The following DGKB variants were observed in gnomAD, a reference collection of about 807,000 sequenced individuals.
DGKB encodes the protein 90 kDa diacylglycerol kinase.
DGKB carries 67 observed loss-of-function variants against 114.3 expected under a neutral mutation model. That is an observed-to-expected ratio of 0.59 (90% CI 0.48 to 0.72). DGKB has a LOEUF of 0.72. Among genes scored for constraint, DGKB ranks in the 30% least tolerant of loss-of-function variants. The pLI is 0.00. For synonymous variants in DGKB, 398 were observed against 323.1 expected, an observed-to-expected ratio of 1.23 and a Z score of -2.49; for missense variants, 907 against 975.2, an observed-to-expected ratio of 0.93 and a Z score of 0.93.
At chr7:14,904,763 G>A (rs903016585), upstream of DGKB, among the ~76,000 whole-genome samples, 5 of 152,018 alleles carry the variant, frequency 3.3e-5, no homozygotes, top group Non-Finnish European at 7.4e-5. Flanking sequence ...CTCTTCATTT[G>A]TTGTCTGTCC....
intron 7 of DGKB, 76 bp from the exon 8 acceptor site, chr7:14,698,245 T>C (rs1323582794): frequency 5.5e-6 from 5 of 909,718 alleles, no homozygotes; most frequent in African/African-American, 5.3e-5. Context: ...GCAGAAATTG[T>C]TTTGTTCAAT....
intron 25 of DGKB, among the ~76,000 whole-genome samples, chr7:14,166,248 A>G (rs1784593536): frequency 6.6e-6 from 1 of 152,198 alleles, no homozygotes; most frequent in Non-Finnish European, 1.5e-5. Flanking sequence ...AAAAACAACT[A>G]AACTTTTTTG....
chr7:14,958,414 A>G (rs867719433), intron 1 of DGKB, among the ~76,000 whole-genome samples: 7 of 115,784 alleles, frequency 6.0e-5, no homozygotes, highest in Non-Finnish European at 1.1e-4. Flanking sequence ...ACCCCACACC[A>G]ATACCTCTCC....
intron 21 of DGKB, among the ~76,000 whole-genome samples, chr7:14,406,038 T>A (rs377405206): frequency 6.6e-6 from 1 of 151,942 alleles, no homozygotes; most frequent in East Asian, 1.9e-4. Flanking sequence ...CAGCATAACA[T>A]AGAATCTTAG....
At chr7:14,267,982 G>T (rs768940440) in intron 23 of DGKB, among the ~76,000 whole-genome samples, 3 of 151,970 alleles carry the variant, frequency 2.0e-5, no homozygotes, top group Admixed American at 6.6e-5. Context: ...ACTCACAAGG[G>T]TACAAAGAAA....
At chr7:14,563,671 T>C (rs1288308152) in intron 20 of DGKB, among the ~76,000 whole-genome samples, 1 of 151,570 alleles carries the variant, frequency 6.6e-6, no homozygotes, top group African/African-American at 2.4e-5. Flanking sequence ...AGTTGGTTCT[T>C]GGTGGTTTAA....
At chr7:14,816,190 T>G (rs983030436) in intron 2 of DGKB, among the ~76,000 whole-genome samples, 4 of 151,962 alleles carry the variant, frequency 2.6e-5, no homozygotes, top group African/African-American at 9.7e-5. Context: ...AAAAATTAGC[T>G]GGACATAGTG....
chr7:14,216,725 CA>C (rs755191130), intron 23 of DGKB, among the ~76,000 whole-genome samples: 6,179 of 50,304 alleles, frequency 0.12, 109 homozygotes, highest in African/African-American at 0.24. Flanking sequence ...GACTCCGTCT[CA>C]AAAAAAAAAA....
intron 17 of DGKB, among the ~76,000 whole-genome samples, chr7:14,598,799 T>C (rs912962637): frequency 7.2e-5 from 11 of 152,316 alleles, no homozygotes; most frequent in African/African-American, 2.6e-4. Flanking sequence ...AGCCATTCAC[T>C]ATACATTCTT....
At chr7:14,150,004 C>T (rs1001885332) in intron 25 of DGKB, among the ~76,000 whole-genome samples, 6 of 152,032 alleles carry the variant, frequency 3.9e-5, no homozygotes, top group African/African-American at 1.4e-4. Flanking sequence ...TTAGAGAAGA[C>T]ATTTTATGAA....
chr7:14,539,184 G>T (rs773687947), intron 20 of DGKB, among the ~76,000 whole-genome samples: 4 of 152,038 alleles, frequency 2.6e-5, no homozygotes, highest in African/African-American at 4.8e-5. Context: ...GGACACCAGG[G>T]AACTTTTGGA....
rs544649997 is a variant in DGKB at position 14,330,598 on chromosome 7, T to C, written c.2122+7917A>G. On this transcript the variant is annotated intron_variant, in intron 23 of 25. Coordinates refer to ENST00000402815, the MANE Select transcript of DGKB (RefSeq NM_001350709.2). ...TCAGATTTTGTTTTTAAAATTATACTGCACACCAGATTTTTTAAATTTTAC... is the reference window on the plus strand; with the variant it reads ...TCAGATTTTGTTTTTAAAATTATACCGCACACCAGATTTTTTAAATTTTAC... Among the ~76,000 whole-genome samples the C allele has an allele frequency of 3.3e-5, 5 of 152,140 alleles. No homozygotes were observed. The East Asian group carries it at 5.8e-4, about 18-fold the overall frequency.
chr7:14,396,020 A>G (rs909600656), intron 21 of DGKB, among the ~76,000 whole-genome samples: 2 of 152,048 alleles, frequency 1.3e-5, no homozygotes, highest in Admixed American at 6.6e-5. Context: ...CAATATATGA[A>G]TTGTTTAGTC....
At chr7:14,910,450 A>T (rs981040923) in intron 1 of DGKB, among the ~76,000 whole-genome samples, 2 of 152,168 alleles carry the variant, frequency 1.3e-5, no homozygotes, top group Non-Finnish European at 2.9e-5. Flanking sequence ...TGGAAGACAT[A>T]AACCTTTATG....
At chr7:14,638,153 C>T in intron 13 of DGKB, among the ~76,000 whole-genome samples, 1 of 151,972 alleles carries the variant, frequency 6.6e-6, no homozygotes, top group Admixed American at 6.6e-5. Context: ...GCTGTAACTC[C>T]TCATTTTACA....
At chr7:14,702,558 T>C (rs1309934000) in intron 6 of DGKB, among the ~76,000 whole-genome samples, 1 of 152,092 alleles carries the variant, frequency 6.6e-6, no homozygotes, top group South Asian at 2.1e-4. Flanking sequence ...CTTGTATAAT[T>C]CACACATCCC....
chr7:14,852,248 C>G (rs1157083511), intron 1 of DGKB, among the ~76,000 whole-genome samples: 2 of 151,146 alleles, frequency 1.3e-5, no homozygotes, highest in African/African-American at 4.9e-5. Flanking sequence ...ATTATTGTTA[C>G]CATTTTTACA....
chr7:14,637,733 C>T (rs979550163), intron 13 of DGKB, among the ~76,000 whole-genome samples: 17 of 151,538 alleles, frequency 1.1e-4, no homozygotes, highest in Non-Finnish European at 2.4e-4. Flanking sequence ...AATAATGGTT[C>T]CACTCTGCTA....
At chr7:14,597,520 C>T (rs2128755915) in intron 17 of DGKB, among the ~76,000 whole-genome samples, 1 of 152,166 alleles carries the variant, frequency 6.6e-6, no homozygotes, top group South Asian at 2.1e-4. Flanking sequence ...TTAGGCTAAA[C>T]TTGTCTTGAT....
Sources: allele counts gnomAD v4.1 joint callset (sites outside exome capture counted in the v4.1 genomes callset), GRCh38; gene constraint gnomAD v4.1.1; transcripts MANE v1.5; gene names NCBI Gene and HGNC (gene_info 2026-07-23, HGNC 2026-07-21).